LTBP1: variants seen among roughly 807,000 people sequenced by gnomAD.
The protein encoded by LTBP1 is latent transforming growth factor beta binding protein 1, also known as latent-transforming growth factor beta-binding protein 1.
A neutral mutation model predicts 207.6 loss-of-function variants in LTBP1; 129 were observed. The ratio of observed to expected loss-of-function variants is 0.62; its 90% CI spans 0.54 to 0.72. The LOEUF (loss-of-function observed/expected upper bound fraction) is 0.72. LTBP1 is among the 30% of genes least tolerant of loss of function. The pLI, the probability that LTBP1 is intolerant of heterozygous loss-of-function variation, is 0.00. For synonymous variants in LTBP1, 963 were observed against 833.7 expected (o/e 1.16, Z -2.67); for missense variants, 2,281 against 2,217.2 (o/e 1.03, Z -0.58).
chr2:33,104,596 G>C (rs114238577), intron 3 of LTBP1, among the ~76,000 whole-genome samples: 1 of 152,098 alleles, frequency 6.6e-6, no homozygotes, highest in African/African-American at 2.4e-5. Flanking sequence ...CTCGATCCTT[G>C]TTTTTCTCCT....
chr2:33,234,270 A>G (rs2091931382), intron 9 of LTBP1, among the ~76,000 whole-genome samples: 1 of 152,122 alleles, frequency 6.6e-6, no homozygotes, highest in Non-Finnish European at 1.5e-5. Context: ...AGTTGCCTTC[A>G]GTTGCATTAT....
At chr2:33,202,645 T>A (rs1257298917) in intron 7 of LTBP1, among the ~76,000 whole-genome samples, 1 of 152,204 alleles carries the variant, frequency 6.6e-6, no homozygotes, top group African/African-American at 2.4e-5. Context: ...AGATTAGAAG[T>A]CTAAAGAAAA....
At chr2:33,214,572 C>G (rs1275281574) in intron 7 of LTBP1, among the ~76,000 whole-genome samples, 1 of 152,114 alleles carries the variant, frequency 6.6e-6, no homozygotes, top group African/African-American at 2.4e-5. Context: ...GTGGCCCTGC[C>G]GCTGTTCCAA....
intron 5 of LTBP1, among the ~76,000 whole-genome samples, chr2:33,150,058 T>A (rs1332519091): frequency 1.3e-5 from 2 of 152,114 alleles, no homozygotes; most frequent in Non-Finnish European, 2.9e-5. Context: ...AAGAAAAACC[T>A]CTTTGGGGCC....
chr2:33,320,188 G>A (rs1047330850), intron 24 of LTBP1, among the ~76,000 whole-genome samples: 2 of 152,104 alleles, frequency 1.3e-5, no homozygotes, highest in Admixed American at 6.5e-5. Flanking sequence ...GGCCAACATG[G>A]TGAAACCCTG....
At chr2:33,021,790 GT>G (rs960832900) in intron 3 of LTBP1, among the ~76,000 whole-genome samples, 6 of 149,444 alleles carry the variant, frequency 4.0e-5, no homozygotes, top group East Asian at 2.0e-4. Context: ...TGGGAACAAG[GT>G]TTTTTTTTTC....
intron 22 of LTBP1, among the ~76,000 whole-genome samples, chr2:33,306,713 A>G (rs1182234180): frequency 2.6e-5 from 4 of 152,084 alleles, no homozygotes; most frequent in Non-Finnish European, 4.4e-5. Context: ...TGAGTTTTTT[A>G]TTTAATGTCA....
At chr2:33,304,849 G>T (rs1406376725) in intron 22 of LTBP1, among the ~76,000 whole-genome samples, 1 of 152,178 alleles carries the variant, frequency 6.6e-6, no homozygotes, top group Non-Finnish European at 1.5e-5. Context: ...GGAAAGGTGG[G>T]ATAGTATTTC....
rs1411457701 is a variant in LTBP1, at chr2:33,182,661, C to CA, written c.1202-4184dup. Among the ~76,000 whole-genome samples the CA allele has an allele frequency of 7.2e-3, 472 of 65,710 alleles. 62 individuals carry two copies. The highest frequency in any genetic ancestry group is 0.011 in the Non-Finnish European group (347 of 31,730). 43.1% of individuals were successfully genotyped at this position (65,710 alleles called of 152,430 possible). A position where few individuals can be genotyped will look rare whatever the true frequency, so the allele number is the denominator to read the frequency against. On this transcript the variant is annotated intron_variant, in intron 5 of 33. Coordinates refer to ENST00000404816, the MANE Select transcript of LTBP1 (RefSeq NM_206943.4). ...TGGGTGACAGAGTGAGACCCTGTCTCAAAAAAAAAAAGAAGAAAAGATGGT... is the reference window on the plus strand; with the variant it reads ...TGGGTGACAGAGTGAGACCCTGTCTCAAAAAAAAAAAAGAAGAAAAGATGGT...
intron 5 of LTBP1, among the ~76,000 whole-genome samples, chr2:33,183,894 G>A (rs1279298967): frequency 6.6e-6 from 1 of 152,104 alleles, no homozygotes. Context: ...ATCCAGCATG[G>A]GGAGTTTTGA....
intron 2 of LTBP1, among the ~76,000 whole-genome samples, chr2:33,007,853 C>T (rs1178078161): frequency 6.6e-6 from 1 of 152,130 alleles, no homozygotes; most frequent in Non-Finnish European, 1.5e-5. Context: ...CATATAAGCG[C>T]TCTTTGTATT....
chr2:33,344,505 A>C (rs1478994637), intron 25 of LTBP1, among the ~76,000 whole-genome samples: 1 of 152,072 alleles, frequency 6.6e-6, no homozygotes, highest in African/African-American at 2.4e-5. Context: ...TTCTGCTGGG[A>C]ATATCCTCCT....
intron 4 of LTBP1, among the ~76,000 whole-genome samples, chr2:33,116,588 G>A (rs1030438364): frequency 6.7e-6 from 1 of 149,964 alleles, no homozygotes; most frequent in South Asian, 2.1e-4. Context: ...GTAAGGACAA[G>A]CCCACTGTTT....
chr2:33,156,431 C>T (rs1050420872), intron 5 of LTBP1, among the ~76,000 whole-genome samples: 1 of 152,146 alleles, frequency 6.6e-6, no homozygotes, highest in African/African-American at 2.4e-5. Context: ...GCATCTGACT[C>T]AAGTTGTTCA....
At chr2:33,154,035 T>C (rs565490300) in intron 5 of LTBP1, among the ~76,000 whole-genome samples, 18 of 152,338 alleles carry the variant, frequency 1.2e-4, no homozygotes, top group African/African-American at 3.8e-4. Context: ...TGCCAGTTCT[T>C]TGCTTTTGCA....
At chr2:33,298,696 C>G (rs758048207) in intron 20 of LTBP1, among the ~76,000 whole-genome samples, 14 of 152,138 alleles carry the variant, frequency 9.2e-5, no homozygotes, top group Non-Finnish European at 1.8e-4. Flanking sequence ...TTTATTTTCT[C>G]TATGGACAGA....
In LTBP1 at chr2:33,325,695, A is replaced by T. The variant is rs964319840; in HGVS notation, c.3730+10426A>T. Among the ~76,000 whole-genome samples, 14 of 152,346 alleles carry T rather than the reference A, an allele frequency of 9.2e-5. No homozygotes were observed. In the South Asian group the frequency reaches 2.9e-3, roughly 32 times the overall value. On this transcript the variant is annotated intron_variant, in intron 24 of 33. Transcript: ENST00000404816. ...TTATCTTTTGTGAGTAATTGGAAGA[A>T]ATTTACAAATGAAGTTAAGATTTTC...
In LTBP1 at chr2:33,226,541, G is replaced by A. The variant is rs192717076; in HGVS notation, c.1876+4390G>A. Among the ~76,000 whole-genome samples the A allele has an allele frequency of 5.1e-3, 770 of 152,332 alleles. 10 individuals carry two copies. Among genetic ancestry groups the A allele is most frequent in the Non-Finnish European group, 3.7e-3 (252 of 68,026 alleles). On this transcript the variant is annotated intron_variant, in intron 9 of 33. Coordinates refer to ENST00000404816, the MANE Select transcript of LTBP1 (RefSeq NM_206943.4). ...GGTGGCCCAGCATAGTAGCAGCAGC[G>A]TACAGCAACAGTAGCCATCCGGAGC...
intron 31 of LTBP1, among the ~76,000 whole-genome samples, chr2:33,369,522 T>C (rs960981170): frequency 2.0e-5 from 3 of 151,974 alleles, no homozygotes; most frequent in Admixed American, 6.6e-5. Context: ...GAAATATATC[T>C]GTTGGAGTAT....
Sources: allele counts gnomAD v4.1 joint callset (sites outside exome capture counted in the v4.1 genomes callset), GRCh38; gene constraint gnomAD v4.1.1; transcripts MANE v1.5; gene names NCBI Gene and HGNC (gene_info 2026-07-23, HGNC 2026-07-21).